PTPRG: variants seen among roughly 807,000 people sequenced by gnomAD.
The protein encoded by PTPRG is protein tyrosine phosphatase receptor type G, also known as receptor-type tyrosine-protein phosphatase gamma.
A neutral mutation model predicts 165.3 loss-of-function variants in PTPRG; 102 were observed. The ratio of observed to expected loss-of-function variants is 0.62; its 90% CI spans 0.53 to 0.73. PTPRG has a LOEUF of 0.73. PTPRG is among the 30% of genes least tolerant of loss of function. The probability of loss-of-function intolerance (pLI) is 0.00; values close to 1 mark genes in which losing one functional copy is unlikely to be tolerated. For synonymous variants in PTPRG, 675 were observed against 669.5 expected, an observed-to-expected ratio of 1.01 and a Z score of -0.13; for missense variants, 1,866 against 1,861.4, an observed-to-expected ratio of 1.00 and a Z score of -0.05.
intron 1 of PTPRG, among the ~76,000 whole-genome samples, chr3:61,590,236 A>AG (rs1052235304): frequency 1.3e-5 from 2 of 151,886 alleles, no homozygotes; most frequent in African/African-American, 4.8e-5. Flanking sequence ...AAAAAAAAAA[A>AG]ATAGGCTGGG....
chr3:61,863,615 A>G (rs2037331323), intron 2 of PTPRG, among the ~76,000 whole-genome samples: 1 of 152,178 alleles, frequency 6.6e-6, no homozygotes. Context: ...ATGCAAAGCA[A>G]TTATTCCAGA....
rs1700611100 is a variant in PTPRG at position 62,219,987 on chromosome 3, C to T, written c.2288+1004C>T. Among the ~76,000 whole-genome samples, 1 of 152,346 alleles carries T rather than the reference C, an allele frequency of 6.6e-6. No individual in the cohort carries two copies. The highest frequency in any genetic ancestry group is 2.4e-5 in the African/African-American group (1 of 41,580). On this transcript the variant is annotated intron_variant, in intron 13 of 29. Transcript: ENST00000474889. This position sits in a 1 kb window ranked among gnomAD's most constrained non-coding sequence, Gnocchi z 4.5. ...CCCATGGGGGCCTAGCAGGAGTGTT[C>T]AGAGTGGTCAAGGAGATGATACCTG...
At position 62,213,043 on chromosome 3, in the gene PTPRG, A is replaced by T. The variant is rs752631197; in HGVS notation, c.2156-5808A>T. On this transcript the variant is annotated intron_variant, in intron 12 of 29. Transcript: ENST00000474889. The surrounding 1 kb of genome is among the most constrained non-coding windows in gnomAD (Gnocchi z 4.4). The stretch of plus-strand genomic sequence containing the variant: ...CTTATCTTGGTGTCACAATTTGGGC[A>T]TCATGGAGGGAAGCAAACCCCCAGT... Among the ~76,000 whole-genome samples the T allele has an allele frequency of 6.6e-6, 1 of 152,158 alleles. No individual in the cohort carries two copies. The highest frequency in any genetic ancestry group is 1.5e-5 in the Non-Finnish European group (1 of 68,032).
chr3:62,236,729 CAGTT>C (rs1485200749), intron 14 of PTPRG, among the ~76,000 whole-genome samples: 3 of 152,276 alleles, frequency 2.0e-5, no homozygotes, highest in South Asian at 2.1e-4. Context: ...TACCAACAAT[CAGTT>C]AGTTCATGAT....
intron 1 of PTPRG, among the ~76,000 whole-genome samples, chr3:61,623,719 T>C (rs370355688): frequency 6.6e-6 from 1 of 152,190 alleles, no homozygotes; most frequent in East Asian, 1.9e-4. Flanking sequence ...AAATAGGCCT[T>C]CTATAATTGA....
chr3:62,179,229 C>A (rs1331808497), intron 8 of PTPRG, among the ~76,000 whole-genome samples: 1 of 152,108 alleles, frequency 6.6e-6, no homozygotes, highest in Non-Finnish European at 1.5e-5. Flanking sequence ...AAGAGGGAGC[C>A]CCATGTGGTG....
chr3:61,885,106 C>G lies in PTPRG; in HGVS notation c.191-104519C>G, dbSNP rs115173630. Among the ~76,000 whole-genome samples the G allele has an allele frequency of 2.0e-5, 3 of 152,238 alleles. 1 individual carries two copies. The highest frequency in any genetic ancestry group is 6.5e-5 in the Admixed American group (1 of 15,298). On this transcript the variant is annotated intron_variant, in intron 2 of 29. Transcript: ENST00000474889. ...ACCCTGCCAATTTGAAAATCGTGCT[C>G]TTTTATGAAAATACAAGTAGATGAG...
intron 5 of PTPRG, among the ~76,000 whole-genome samples, chr3:62,121,175 G>A (rs1489179776): frequency 2.0e-5 from 3 of 149,944 alleles, no homozygotes; most frequent in African/African-American, 4.9e-5. Flanking sequence ...GGATGATCTC[G>A]ATCTCCTGAC....
rs560536791 is a variant in PTPRG at position 62,078,388 on chromosome 3, A to G, written c.615+130A>G. 8.9e-5 allele frequency: 55 copies of G among 616,722 alleles called. No homozygotes were observed. The African/African-American group carries it at 9.9e-4, about 11-fold the overall frequency. The allele number at this position is 616,722 out of a possible 1,614,324, so 38.2% of individuals were successfully genotyped here. A position where few individuals can be genotyped will look rare whatever the true frequency, so the allele number is the denominator to read the frequency against. On this transcript the variant is annotated intron_variant, in intron 5 of 29. Transcript: ENST00000474889. Reference sequence around the variant, plus strand: ...CCTGTCCAAATGAAAGATATTTCATATTGTCTAATGTGTGATTTAAAATGT... The same window carrying G: ...CCTGTCCAAATGAAAGATATTTCATGTTGTCTAATGTGTGATTTAAAATGT...
At position 61,837,313 on chromosome 3, in the gene PTPRG, G is replaced by T. The variant is rs140555947; in HGVS notation, c.190+88331G>T. Among the ~76,000 whole-genome samples the T allele has an allele frequency of 1.0e-3, 153 of 152,308 alleles. 1 individual carries two copies. Among genetic ancestry groups the T allele is most frequent in the African/African-American group, 3.5e-3 (146 of 41,578 alleles). On this transcript the variant is annotated intron_variant, in intron 2 of 29. Transcript: ENST00000474889. ...TCTGCCTGCCACAGCCACCCAAAGT[G>T]CTGGGATTCACAGGTGTGAGCCACC...
intron 14 of PTPRG, among the ~76,000 whole-genome samples, chr3:62,235,571 A>G (rs1701012279): frequency 6.6e-6 from 1 of 152,168 alleles, no homozygotes; most frequent in Non-Finnish European, 1.5e-5. Context: ...TAGCTAAGAG[A>G]ATATAGTTTT....
At chr3:62,191,411 C>T (rs564404643) in intron 8 of PTPRG, 58 bp from the exon 9 acceptor site, 36 of 1,538,408 alleles carry the variant, frequency 2.3e-5, no homozygotes, top group Admixed American at 7.5e-5. Context: ...CTTAGGGGCA[C>T]GGATTGAATG....
chr3:62,175,191 T>C (rs1424892457), intron 8 of PTPRG, among the ~76,000 whole-genome samples: 3 of 152,210 alleles, frequency 2.0e-5, no homozygotes, highest in Non-Finnish European at 4.4e-5. Context: ...TATAGACTTT[T>C]AATGTAGCAT....
In PTPRG at chr3:61,912,360, G is replaced by T. The variant is rs77798455; in HGVS notation, c.191-77265G>T. Among the ~76,000 whole-genome samples, 635 of 151,892 alleles carry T rather than the reference G, an allele frequency of 4.2e-3. 4 individuals are homozygous for T. Among genetic ancestry groups the T allele is most frequent in the African/African-American group, 0.013 (524 of 41,428 alleles). ...TAGGAGGAATTTGCATAATGAAGAG[G>T]GTGTTTTCTTGGTTCCCTTTTAAAT... is the stretch of plus-strand genomic sequence containing the variant. On this transcript the variant is annotated intron_variant, in intron 2 of 29. Transcript: ENST00000474889.
At chr3:61,922,689 G>A (rs181575520) in intron 2 of PTPRG, among the ~76,000 whole-genome samples, 125 of 152,320 alleles carry the variant, frequency 8.2e-4, no homozygotes, top group South Asian at 1.9e-3. Flanking sequence ...GGCCCAGGCC[G>A]GAGTACATTG....
intron 2 of PTPRG, among the ~76,000 whole-genome samples, chr3:61,759,179 T>C (rs1346587384): frequency 6.6e-6 from 1 of 152,202 alleles, no homozygotes; most frequent in Non-Finnish European, 1.5e-5. Context: ...TTCTTGCTAT[T>C]AAAACTTAAC....
At chr3:61,731,426 G>A (rs972767595) in intron 1 of PTPRG, among the ~76,000 whole-genome samples, 6 of 146,490 alleles carry the variant, frequency 4.1e-5, no homozygotes, top group Non-Finnish European at 8.9e-5. Context: ...TCTGCTCACT[G>A]CAACCTCCGC....
At position 61,889,971 on chromosome 3, in the gene PTPRG, A is replaced by C. The variant is rs149762999; in HGVS notation, c.191-99654A>C. Among the ~76,000 whole-genome samples the C allele has an allele frequency of 3.6e-3, 547 of 152,328 alleles. 1 individual carries two copies. The highest frequency in any genetic ancestry group is 6.8e-3 in the Middle Eastern group (2 of 294). On this transcript the variant is annotated intron_variant, in intron 2 of 29. Transcript: ENST00000474889. ...GGGCATTCTCTCTGAAACACATGGA[A>C]TTATTTTAGCAAGTATTCTGTTAAG...
chr3:62,234,775 T>C (rs1700985791), intron 14 of PTPRG, among the ~76,000 whole-genome samples: 1 of 152,204 alleles, frequency 6.6e-6, no homozygotes, highest in African/African-American at 2.4e-5. Context: ...TAATCAGATT[T>C]ATCTATATTT....
Sources: gnomAD v4.1 joint callset for allele counts (sites outside exome capture counted in the v4.1 genomes callset) on GRCh38, gnomAD v4.1.1 for gene constraint, Gnocchi (gnomAD v3.1) non-coding constraint, MANE v1.5 for transcripts, NCBI Gene and HGNC (gene_info 2026-07-23, HGNC 2026-07-21) for gene names.